Variants in PPM1B observed in about 807,000 individuals in gnomAD.
PPM1B encodes the protein protein phosphatase, Mg2+/Mn2+ dependent 1B.
A neutral mutation model predicts 43.0 loss-of-function variants in PPM1B; 22 were observed. The ratio of observed to expected loss-of-function variants is 0.51; its 90% CI spans 0.37 to 0.73. The LOEUF (loss-of-function observed/expected upper bound fraction) is 0.73, where lower values mean the gene tolerates loss of function less well. PPM1B is among the 30% of genes least tolerant of loss of function. The probability of loss-of-function intolerance (pLI) is 0.00; values close to 1 mark genes in which losing one functional copy is unlikely to be tolerated. For synonymous variants in PPM1B, 217 were observed against 197.9 expected (o/e 1.10, Z -0.81); for missense variants, 632 against 584.2 (o/e 1.08, Z -0.84).
chr2:44,195,849 G>A (rs1668636992), intron 1 of PPM1B, among the ~76,000 whole-genome samples: 1 of 152,134 alleles, frequency 6.6e-6, no homozygotes, highest in Admixed American at 6.5e-5. Context: ...AGCTCTGCCT[G>A]GGAAACCAGG....
chr2:44,231,311 A>T lies in PPM1B; in HGVS notation c.*593A>T. ...TATTTTTCCTTTCTCTGTATTCTTT[A>T]TGAAACATAACTTTTGAAAAACCTA... On this transcript the variant is annotated 3_prime_UTR_variant, in exon 6 of 6. Transcript: ENST00000282412. 1.0e-6 allele frequency: 1 copy of T among 980,342 alleles called. No homozygotes were observed. Among genetic ancestry groups the T allele is most frequent in the Non-Finnish European group, 1.2e-6 (1 of 825,368 alleles). The allele number at this position is 980,342 out of a possible 1,614,324, so 60.7% of individuals were successfully genotyped here. A position where few individuals can be genotyped will look rare whatever the true frequency, so the allele number is the denominator to read the frequency against.
intron 1 of PPM1B, among the ~76,000 whole-genome samples, chr2:44,172,994 T>G (rs1281321483): frequency 6.6e-6 from 1 of 152,246 alleles, no homozygotes; most frequent in African/African-American, 2.4e-5. Flanking sequence ...TCCATCCATA[T>G]TCCTTTTCTT....
At chr2:44,220,886 G>A (rs1669949261) in intron 5 of PPM1B, among the ~76,000 whole-genome samples, 1 of 152,196 alleles carries the variant, frequency 6.6e-6, no homozygotes, top group African/African-American at 2.4e-5. Flanking sequence ...AAGTGGACTA[G>A]AGAGGCAAGG....
chr2:44,178,474 A>ATATATATT (rs1445760590), intron 1 of PPM1B, among the ~76,000 whole-genome samples: 38 of 135,314 alleles, frequency 2.8e-4, no homozygotes, highest in Middle Eastern at 3.8e-3. Flanking sequence ...ATATATATAT[A>ATATATATT]TTTTTTTTTT....
downstream of PPM1B, chr2:44,232,941 A>G (rs1670509750): frequency 1.0e-6 from 1 of 977,792 alleles, no homozygotes; most frequent in South Asian, 4.7e-5. Context: ...CCTTGCTTCA[A>G]GATAAAGTGT....
intron 5 of PPM1B, among the ~76,000 whole-genome samples, chr2:44,228,104 A>G (rs952786781): frequency 1.4e-5 from 2 of 147,834 alleles, no homozygotes; most frequent in Non-Finnish European, 3.0e-5. Flanking sequence ...TTGTATTTTT[A>G]GTAGAGATAG....
At chr2:44,212,381 A>G (rs761515034) in intron 3 of PPM1B, among the ~76,000 whole-genome samples, 2 of 152,138 alleles carry the variant, frequency 1.3e-5, no homozygotes, top group Non-Finnish European at 2.9e-5. Context: ...TGCCCATCCC[A>G]GTTCACCCTA....
At chr2:44,199,634 CAG>C (rs1428927690) in intron 1 of PPM1B, among the ~76,000 whole-genome samples, 8 of 152,240 alleles carry the variant, frequency 5.3e-5, no homozygotes, top group African/African-American at 1.9e-4. Context: ...CATTGTATCA[CAG>C]AGAATTAAAC....
At chr2:44,240,035 A>G (rs1461980088) in intron 5 of PPM1B, among the ~76,000 whole-genome samples, 1 of 146,892 alleles carries the variant, frequency 6.8e-6, no homozygotes, top group Non-Finnish European at 1.5e-5. Flanking sequence ...TTTCAAGACA[A>G]GGTCTCACTC....
In PPM1B at chr2:44,204,011, C is replaced by G. The variant is rs147964024; in HGVS notation, c.846+1966C>G. 4.1e-3 allele frequency among the ~76,000 whole-genome samples: 629 copies of G among 152,186 alleles called. 8 individuals carry two copies. Among genetic ancestry groups the G allele is most frequent in the African/African-American group, 0.015 (604 of 41,534 alleles). ...GTGTTAAAAGATTCTAGATGGCATC[C>G]TAGAATCTCAGAAATGAGGAATGAT... On this transcript the variant is annotated intron_variant, in intron 2 of 5. Coordinates refer to ENST00000282412, the MANE Select transcript of PPM1B (RefSeq NM_002706.6).
At position 44,203,138 on chromosome 2, in the gene PPM1B, G is replaced by A. The variant is rs150721410; in HGVS notation, c.846+1093G>A. On this transcript the variant is annotated intron_variant, in intron 2 of 5. Coordinates refer to ENST00000282412, the MANE Select transcript of PPM1B (RefSeq NM_002706.6). ...AATGCCCAGATTTTGGTTAAATACC[G>A]ATTTCTTTTTAATAGAATGGAAAGA... Among the ~76,000 whole-genome samples, 288 of 152,218 alleles carry A rather than the reference G, an allele frequency of 1.9e-3. 2 individuals carry two copies. The highest frequency in any genetic ancestry group is 3.4e-3 in the Admixed American group (52 of 15,294).
Position 44,173,942 on chromosome 2 carries a change from C to T in PPM1B, c.-15+4668C>T, listed in dbSNP as rs79354627. On this transcript the variant is annotated intron_variant, in intron 1 of 5. Transcript: ENST00000282412. The stretch of plus-strand genomic sequence containing the variant: ...TGGGCGAAAGAGTGAGACCCTGTCT[C>T]GAAACAAAAATAATAATACTCTTTG... 2.9e-3 allele frequency among the ~76,000 whole-genome samples: 436 copies of T among 152,176 alleles called. 1 individual carries two copies. Among genetic ancestry groups the T allele is most frequent in the African/African-American group, 9.7e-3 (402 of 41,516 alleles).
At chr2:44,219,754 A>AC (rs1464677736) in intron 5 of PPM1B, among the ~76,000 whole-genome samples, 1 of 151,840 alleles carries the variant, frequency 6.6e-6, no homozygotes, top group African/African-American at 2.4e-5. Flanking sequence ...GACCAGCCTG[A>AC]CCAACATGGA....
chr2:44,208,914 A>G (rs563686792), intron 2 of PPM1B, among the ~76,000 whole-genome samples: 3 of 152,306 alleles, frequency 2.0e-5, no homozygotes, highest in African/African-American at 7.2e-5. Flanking sequence ...TGAGTGGGAA[A>G]TAGTTTAGAA....
chr2:44,178,135 G>A (rs893489501), intron 1 of PPM1B, among the ~76,000 whole-genome samples: 1 of 151,794 alleles, frequency 6.6e-6, no homozygotes, highest in Admixed American at 6.6e-5. Flanking sequence ...GCCCAGGCTG[G>A]CCTCTAATCC....
chr2:44,169,905 A>G (rs4953070), intron 1 of PPM1B, among the ~76,000 whole-genome samples: 84,834 of 151,932 alleles, frequency 0.56, 24,756 homozygotes, highest in Admixed American at 0.67. Context: ...TGAAACTGCC[A>G]CTTATTGTCA....
intron 1 of PPM1B, among the ~76,000 whole-genome samples, chr2:44,188,393 CTTTTTT>C (rs67959948): frequency 1.1e-5 from 1 of 92,312 alleles, no homozygotes. Context: ...TTCTTTCTTT[CTTTTTT>C]TTTTTTTTTT....
chr2:44,223,749 G>A (rs1242689748), intron 5 of PPM1B, among the ~76,000 whole-genome samples: 1 of 149,464 alleles, frequency 6.7e-6, no homozygotes, highest in Non-Finnish European at 1.5e-5. Context: ...CTGGGAGGTG[G>A]AGCTTGCGGT....
intron 1 of PPM1B, among the ~76,000 whole-genome samples, chr2:44,183,314 T>C (rs1262390818): frequency 6.6e-6 from 1 of 152,226 alleles, no homozygotes; most frequent in Non-Finnish European, 1.5e-5. Context: ...CCAAGTGACA[T>C]TCGATGAAAT....
Sources: gnomAD v4.1 joint callset for allele counts (sites outside exome capture counted in the v4.1 genomes callset) on GRCh38, gnomAD v4.1.1 for gene constraint, MANE v1.5 for transcripts, NCBI Gene and HGNC (gene_info 2026-07-23, HGNC 2026-07-21) for gene names.